The following PUDP variants were observed in gnomAD, a reference collection of about 807,000 sequenced individuals.
The protein encoded by PUDP is pseudouridine-5'-phosphatase.
Under a neutral mutation model 9.4 loss-of-function variants are expected in PUDP, and 8 were observed. The observed-to-expected ratio is 0.85, with a 90% CI of 0.50 to 1.53. The LOEUF (loss-of-function observed/expected upper bound fraction) is 1.53, where lower values mean the gene tolerates loss of function less well. Among genes scored for constraint, PUDP ranks in the 40% most tolerant of loss-of-function variants. The pLI, the probability that PUDP is intolerant of heterozygous loss-of-function variation, is 0.00. For missense variants in PUDP, 188 were observed against 189.7 expected, an observed-to-expected ratio of 0.99 and a Z score of 0.05; for synonymous variants, 99 against 80.7, an observed-to-expected ratio of 1.23 and a Z score of -1.22.
intron 2 of PUDP, among the ~76,000 whole-genome samples, chrX:7,103,626 A>C (rs1000523023): frequency 6.2e-5 from 7 of 112,441 alleles, no homozygotes; most frequent in African/African-American, 2.3e-4. Context: ...GGGAGCCAGA[A>C]TGGGAGAAAA....
At chrX:7,089,872 A>G (rs950966244) in intron 2 of PUDP, among the ~76,000 whole-genome samples, 3 of 112,078 alleles carry the variant, frequency 2.7e-5, no homozygotes, top group African/African-American at 9.7e-5. Flanking sequence ...CCAAGAGGTG[A>G]AAGAAAAGAG....
chrX:7,011,408 G>A (rs1004981528), intron 1 of PUDP, among the ~76,000 whole-genome samples: 1 of 111,305 alleles, frequency 9.0e-6, no homozygotes, highest in African/African-American at 3.3e-5. Context: ...GTCTGGTAGT[G>A]GAAAATACCC....
intron 3 of PUDP, among the ~76,000 whole-genome samples, chrX:6,966,312 TAA>T (rs1348684392): frequency 3.6e-5 from 4 of 110,921 alleles, no homozygotes; most frequent in African/African-American, 1.3e-4. Flanking sequence ...CACCCACCTG[TAA>T]AAGTTAAAAT....
intron 3 of PUDP, among the ~76,000 whole-genome samples, chrX:6,921,038 T>C (rs2146763419): frequency 9.0e-6 from 1 of 110,592 alleles, no homozygotes; most frequent in East Asian, 2.9e-4. Context: ...CTCAGTAGCA[T>C]ATCTCTCCCA....
At chrX:7,078,796 G>A (rs111371864) in intron 2 of PUDP, among the ~76,000 whole-genome samples, 9 of 111,712 alleles carry the variant, frequency 8.1e-5, no homozygotes, top group African/African-American at 2.9e-4. Context: ...AGATCATAAT[G>A]TAGTTCCAGG....
Position 7,108,675 on chromosome X carries a change from A to G in PUDP, c.62-2837T>C, listed in dbSNP as rs772853526. On this transcript the variant is annotated intron_variant, in intron 1 of 3. Transcript: ENST00000381077. The stretch of plus-strand genomic sequence containing the variant: ...GTGCCATTTCATTTTCAGCACTATA[A>G]TATTTTTCTCCTTGCTTTTCTACCA... 3.6e-5 allele frequency among the ~76,000 whole-genome samples: 4 copies of G among 112,035 alleles called. No homozygotes were observed. In the East Asian group the frequency reaches 1.1e-3, roughly 32 times the overall value.
intron 3 of PUDP, among the ~76,000 whole-genome samples, chrX:6,915,809 G>C (rs1392443343): frequency 9.0e-6 from 1 of 111,629 alleles, no homozygotes; most frequent in Admixed American, 9.5e-5. Flanking sequence ...AATAGCATCT[G>C]TTCAATAATG....
intron 1 of PUDP, among the ~76,000 whole-genome samples, chrX:6,990,092 A>G (rs1003821218): frequency 2.7e-5 from 3 of 110,409 alleles, no homozygotes; most frequent in African/African-American, 9.9e-5. Context: ...CACGCCCTAC[A>G]TTCAAACACC....
intron 3 of PUDP, among the ~76,000 whole-genome samples, chrX:6,745,111 G>A (rs904806819): frequency 1.8e-5 from 2 of 111,588 alleles, no homozygotes; most frequent in Non-Finnish European, 3.8e-5. Context: ...CAGTATCAAG[G>A]ACTGTGTCAA....
intron 3 of PUDP, among the ~76,000 whole-genome samples, chrX:6,781,853 G>A (rs1367151865): frequency 4.5e-5 from 5 of 112,220 alleles, no homozygotes; most frequent in African/African-American, 1.6e-4. Context: ...GAATTATGCA[G>A]CCTAATGTAT....
intron 3 of PUDP, among the ~76,000 whole-genome samples, chrX:6,848,373 T>C (rs1040012737): frequency 8.9e-6 from 1 of 112,058 alleles, no homozygotes; most frequent in African/African-American, 3.2e-5. Context: ...AATTTGAAAA[T>C]AGGTCTGTGG....
intron 1 of PUDP, among the ~76,000 whole-genome samples, chrX:7,008,152 G>C (rs1183195307): frequency 9.2e-6 from 1 of 109,040 alleles, no homozygotes; most frequent in Non-Finnish European, 1.9e-5. Context: ...TTTTAGTAGA[G>C]ACGGGGTTTC....
intron 3 of PUDP, among the ~76,000 whole-genome samples, chrX:6,806,188 A>G (rs1280618263): frequency 1.8e-5 from 2 of 112,146 alleles, no homozygotes; most frequent in Non-Finnish European, 1.9e-5. Flanking sequence ...GCTTCTCATG[A>G]ACTTACAATT....
chrX:6,832,987 T>TACACACACACACACACACACACACACAC lies in PUDP; in HGVS notation c.*248-126522_*248-126521insGTGTGTGTGTGTGTGTGTGTGTGTGTGT, dbSNP rs200319848. On this transcript the variant is annotated intron_variant and NMD_transcript_variant, in intron 3 of 3. Coordinates refer to the PUDP transcript ENST00000655425. The stretch of plus-strand genomic sequence containing the variant: ...TGTCACTCTCTCTCTCTCTCTGACA[T>TACACACACACACACACACACACACACAC]ACACACACACACACACACACTTCAC... Among the ~76,000 whole-genome samples the TACACACACACACACACACACACACACAC allele has an allele frequency of 4.3e-3, 454 of 106,286 alleles. 5 individuals carry two copies. The highest frequency in any genetic ancestry group is 0.014 in the African/African-American group (401 of 28,948). 92.3% of individuals were successfully genotyped at this position (106,286 alleles called of 115,157 possible). A position where few individuals can be genotyped will look rare whatever the true frequency, so the allele number is the denominator to read the frequency against.
At chrX:6,866,845 G>A (rs1193814034) in intron 3 of PUDP, among the ~76,000 whole-genome samples, 1 of 111,670 alleles carries the variant, frequency 9.0e-6, no homozygotes, top group East Asian at 2.8e-4. Flanking sequence ...TTATGGTGGA[G>A]AAAAATAAAA....
chrX:7,011,245 C>A (rs987739389), intron 1 of PUDP, among the ~76,000 whole-genome samples: 14 of 112,083 alleles, frequency 1.2e-4, no homozygotes, highest in Non-Finnish European at 2.3e-4. Flanking sequence ...ATCGTTACTT[C>A]CCTCCAGTTT....
intron 3 of PUDP, among the ~76,000 whole-genome samples, chrX:6,850,265 T>C (rs1926807570): frequency 9.0e-6 from 1 of 111,675 alleles, no homozygotes; most frequent in African/African-American, 3.3e-5. Flanking sequence ...GACAGAAAAA[T>C]AAAGTGCACG....
intron 1 of PUDP, among the ~76,000 whole-genome samples, chrX:7,137,094 A>T (rs1932756317): frequency 9.0e-6 from 1 of 111,079 alleles, no homozygotes; most frequent in Non-Finnish European, 1.9e-5. Flanking sequence ...ACAAAAAATT[A>T]GCTGGGTGTG....
At chrX:7,062,887 ATTTTTTTTTT>A (rs199914841) in intron 3 of PUDP, among the ~76,000 whole-genome samples, 7 of 79,718 alleles carry the variant, frequency 8.8e-5, no homozygotes, top group African/African-American at 1.6e-4. Context: ...TGACTGCTTA[ATTTTTTTTTT>A]TTTTTTTTTT....
Sources: allele counts gnomAD v4.1 joint callset (sites outside exome capture counted in the v4.1 genomes callset), GRCh38; gene constraint gnomAD v4.1.1; transcripts MANE v1.5; gene names NCBI Gene and HGNC (gene_info 2026-07-23, HGNC 2026-07-21).